OLFM3: variants seen among roughly 807,000 people sequenced by gnomAD.
The protein encoded by OLFM3 is noelin-3.
OLFM3 carries 20 observed loss-of-function variants against 48.6 expected under a neutral mutation model. The observed-to-expected ratio is 0.41, with a 90% confidence interval of 0.29 to 0.60. The LOEUF is 0.60. Ranked by LOEUF, OLFM3 falls within the 20% of genes least tolerant of loss-of-function variation. The pLI is 0.28. For missense variants in OLFM3, 437 were observed against 544.3 expected, an observed-to-expected ratio of 0.80 and a Z score of 1.96; for synonymous variants, 222 against 198.1, an observed-to-expected ratio of 1.12 and a Z score of -1.01.
At chr1:101,864,315 A>G (rs1656775470) in intron 1 of OLFM3, among the ~76,000 whole-genome samples, 1 of 152,098 alleles carries the variant, frequency 6.6e-6, no homozygotes, top group South Asian at 2.1e-4. Flanking sequence ...TAATTTGCCT[A>G]CAGTTATTTT....
intron 1 of OLFM3, among the ~76,000 whole-genome samples, chr1:101,873,829 G>A (rs551267355): frequency 6.6e-6 from 1 of 151,806 alleles, no homozygotes; most frequent in South Asian, 2.1e-4. Flanking sequence ...TTTAAATGAT[G>A]CAATACTTCC....
intron 4 of OLFM3, among the ~76,000 whole-genome samples, chr1:101,811,652 A>T (rs1040338780): frequency 3.3e-5 from 5 of 152,214 alleles, no homozygotes; most frequent in Non-Finnish European, 7.3e-5. Flanking sequence ...ATCTCACAGC[A>T]GTTAGAATGG....
At chr1:101,904,959 T>A (rs1226214317) in intron 1 of OLFM3, among the ~76,000 whole-genome samples, 1 of 152,008 alleles carries the variant, frequency 6.6e-6, no homozygotes, top group African/African-American at 2.4e-5. Flanking sequence ...AGGTAGAAAG[T>A]GGTAAGGCCT....
At chr1:101,870,784 T>C (rs1420401725) in intron 1 of OLFM3, among the ~76,000 whole-genome samples, 1 of 152,074 alleles carries the variant, frequency 6.6e-6, no homozygotes, top group Non-Finnish European at 1.5e-5. Context: ...AGAGAGCTTT[T>C]TTAAAATATC....
chr1:101,945,018 T>A (rs538623530), intron 1 of OLFM3, among the ~76,000 whole-genome samples: 2 of 152,228 alleles, frequency 1.3e-5, no homozygotes, highest in Admixed American at 6.5e-5. Flanking sequence ...TTAGAATACA[T>A]AAAATTATAA....
rs1258763534 is a variant in OLFM3 at position 101,830,005 on chromosome 1, T to G, written c.372+667A>C. Among the ~76,000 whole-genome samples the G allele has an allele frequency of 2.6e-5, 4 of 151,824 alleles. No individual in the cohort carries two copies. The South Asian group carries it at 8.3e-4, about 32-fold the overall frequency. ...GCCCACCACCACACCCGGCTAATTT[T>G]TTTTTTGTATTTTTAGTAGAGACGG... On this transcript the variant is annotated intron_variant, in intron 3 of 5. Coordinates refer to ENST00000370103, the MANE Select transcript of OLFM3 (RefSeq NM_058170.4).
chr1:101,944,736 C>T (rs534720977), intron 1 of OLFM3, among the ~76,000 whole-genome samples: 7 of 152,006 alleles, frequency 4.6e-5, no homozygotes, highest in Middle Eastern at 3.4e-3. Context: ...AAAAATTAGC[C>T]GGGCATGGTG....
intron 1 of OLFM3, among the ~76,000 whole-genome samples, chr1:101,855,258 C>T (rs183635696): frequency 1.5e-3 from 229 of 152,096 alleles, no homozygotes; most frequent in African/African-American, 4.9e-3. Flanking sequence ...GTCGTTTAAT[C>T]CTCAGACAAA....
At chr1:101,842,048 A>G (rs1655746150) in intron 1 of OLFM3, among the ~76,000 whole-genome samples, 1 of 152,172 alleles carries the variant, frequency 6.6e-6, no homozygotes, top group Non-Finnish European at 1.5e-5. Context: ...GACCACGCCA[A>G]AAGAAGCTGT....
intron 1 of OLFM3, among the ~76,000 whole-genome samples, chr1:101,935,488 C>A (rs1016967510): frequency 1.3e-5 from 2 of 151,880 alleles, no homozygotes; most frequent in Non-Finnish European, 2.9e-5. Flanking sequence ...AATAAAAAGC[C>A]TACCAATCAG....
chr1:101,947,883 T>C (rs1438727823), intron 1 of OLFM3, among the ~76,000 whole-genome samples: 1 of 152,192 alleles, frequency 6.6e-6, no homozygotes, highest in Non-Finnish European at 1.5e-5. Context: ...TCTGTATTAA[T>C]TTACTTAGAA....
chr1:101,879,565 C>T (rs1216089556), intron 1 of OLFM3, among the ~76,000 whole-genome samples: 1 of 151,670 alleles, frequency 6.6e-6, no homozygotes, highest in African/African-American at 2.4e-5. Context: ...GGGTCTGGGT[C>T]AAAAATCATG....
At chr1:101,972,848 A>G (rs1383587520) in intron 1 of OLFM3, among the ~76,000 whole-genome samples, 1 of 152,204 alleles carries the variant, frequency 6.6e-6, no homozygotes, top group Non-Finnish European at 1.5e-5. Context: ...TATAGACTGC[A>G]TGTACCACAG....
chr1:101,933,998 C>T (rs1003304601), intron 1 of OLFM3, among the ~76,000 whole-genome samples: 3 of 151,814 alleles, frequency 2.0e-5, no homozygotes, highest in African/African-American at 7.2e-5. Flanking sequence ...CCATTACTGA[C>T]TGTGACAAAA....
chr1:101,940,341 C>CT (rs1659750326), intron 1 of OLFM3, among the ~76,000 whole-genome samples: 18 of 134,664 alleles, frequency 1.3e-4, no homozygotes, highest in South Asian at 2.6e-4. Context: ...TGTTTTGGAA[C>CT]ATTTTTTTTT....
intron 1 of OLFM3, among the ~76,000 whole-genome samples, chr1:101,938,665 T>C (rs1659695476): frequency 2.6e-5 from 4 of 152,234 alleles, no homozygotes; most frequent in Admixed American, 2.0e-4. Context: ...TTGGGGTTCC[T>C]GCTGAGCTTT....
At chr1:101,892,499 G>A (rs1027428575) in intron 1 of OLFM3, among the ~76,000 whole-genome samples, 2 of 151,876 alleles carry the variant, frequency 1.3e-5, no homozygotes, top group Non-Finnish European at 2.9e-5. Flanking sequence ...AGAAAAATAT[G>A]GTCACTCTTT....
intron 1 of OLFM3, among the ~76,000 whole-genome samples, chr1:101,861,885 G>A (rs1032604905): frequency 1.3e-5 from 2 of 152,182 alleles, no homozygotes; most frequent in East Asian, 1.9e-4. Flanking sequence ...ATAGTTCAAC[G>A]AAGTTAGATT....
chr1:101,858,737 C>T (rs1156975889), intron 1 of OLFM3, among the ~76,000 whole-genome samples: 3 of 152,052 alleles, frequency 2.0e-5, no homozygotes, highest in Non-Finnish European at 4.4e-5. Context: ...TAAGATGTGC[C>T]TGCTTTCCCT....
Sources: allele counts gnomAD v4.1 joint callset (sites outside exome capture counted in the v4.1 genomes callset), GRCh38; gene constraint gnomAD v4.1.1; transcripts MANE v1.5; gene names NCBI Gene and HGNC (gene_info 2026-07-23, HGNC 2026-07-21).